Variants in DLG2 observed in about 807,000 individuals in gnomAD.
The protein encoded by DLG2 is disks large homolog 2.
DLG2 carries 45 observed loss-of-function variants against 132.5 expected under a neutral mutation model. That is an observed-to-expected ratio of 0.34 (90% confidence interval 0.27 to 0.44). The LOEUF is 0.44. Ranked by LOEUF, DLG2 falls within the 20% of genes least tolerant of loss-of-function variation. The pLI, the probability that DLG2 is intolerant of heterozygous loss-of-function variation, is 1.00. For missense variants in DLG2, 1,045 were observed against 1,196.9 expected (o/e 0.87, Z 1.87); for synonymous variants, 424 against 419.6 (o/e 1.01, Z -0.13).
chr11:84,382,616 T>A (rs1249133053), intron 7 of DLG2, among the ~76,000 whole-genome samples: 1 of 152,190 alleles, frequency 6.6e-6, no homozygotes, highest in Non-Finnish European at 1.5e-5. Flanking sequence ...CTCAGAAGTT[T>A]TGTTTTATCA....
At chr11:83,857,791 C>G (rs933241133) in intron 16 of DLG2, among the ~76,000 whole-genome samples, 1 of 149,740 alleles carries the variant, frequency 6.7e-6, no homozygotes, top group African/African-American at 2.5e-5. Context: ...GCAGGACACA[C>G]ATGAGAATTT....
chr11:84,660,898 C>T (rs2099693815), intron 6 of DLG2, among the ~76,000 whole-genome samples: 1 of 152,102 alleles, frequency 6.6e-6, no homozygotes. Context: ...AATGTTTCAT[C>T]GCATGTTATA....
At chr11:85,065,532 T>C (rs1402727103) in intron 6 of DLG2, among the ~76,000 whole-genome samples, 1 of 150,558 alleles carries the variant, frequency 6.6e-6, no homozygotes, top group Non-Finnish European at 1.5e-5. Flanking sequence ...AATCTACATA[T>C]CCAGCTTTTT....
intron 2 of DLG2, among the ~76,000 whole-genome samples, chr11:85,623,429 CAA>C (rs2081865106): frequency 6.6e-6 from 1 of 152,046 alleles, no homozygotes; most frequent in South Asian, 2.1e-4. Context: ...GTCAGCCTCC[CAA>C]GTAGCTGGGA....
At chr11:84,727,739 T>C (rs979559372) in intron 6 of DLG2, among the ~76,000 whole-genome samples, 1 of 152,050 alleles carries the variant, frequency 6.6e-6, no homozygotes, top group Non-Finnish European at 1.5e-5. Flanking sequence ...AGAATGAAGG[T>C]TTTTACATTT....
At chr11:84,821,458 T>C (rs562479406) in intron 6 of DLG2, among the ~76,000 whole-genome samples, 1 of 151,740 alleles carries the variant, frequency 6.6e-6, no homozygotes, top group Non-Finnish European at 1.5e-5. Flanking sequence ...TTATGGGCAC[T>C]GAAACTTGAA....
At chr11:83,766,099 T>C (rs1257596575) in intron 18 of DLG2, among the ~76,000 whole-genome samples, 1 of 151,198 alleles carries the variant, frequency 6.6e-6, no homozygotes, top group African/African-American at 2.4e-5. Context: ...TGAATGCTTT[T>C]TTTTTTTTTT....
chr11:83,945,621 C>T (rs1028431127), intron 14 of DLG2, among the ~76,000 whole-genome samples: 3 of 152,126 alleles, frequency 2.0e-5, no homozygotes, highest in East Asian at 1.9e-4. Flanking sequence ...AGTGCATATC[C>T]GCTACAGGTG....
At chr11:83,486,339 T>A (rs963657783) in intron 21 of DLG2, 2 of 591,764 alleles carry the variant, frequency 3.4e-6, no homozygotes, top group Non-Finnish European at 3.0e-6. Flanking sequence ...ACATCACCAA[T>A]GACTTGTCAT....
At chr11:85,032,803 GAGGA>G (rs2061132189) in intron 6 of DLG2, among the ~76,000 whole-genome samples, 1 of 152,222 alleles carries the variant, frequency 6.6e-6, no homozygotes, top group Admixed American at 6.5e-5. Flanking sequence ...GTGAAAGTCA[GAGGA>G]AGGAAGCCTC....
intron 5 of DLG2, among the ~76,000 whole-genome samples, chr11:85,113,474 G>C (rs2073091675): frequency 6.6e-6 from 1 of 151,968 alleles, no homozygotes; most frequent in Non-Finnish European, 1.5e-5. Context: ...CCTGATTTCT[G>C]ACACTAAGAT....
chr11:83,492,710 A>G (rs1037768450), intron 21 of DLG2, among the ~76,000 whole-genome samples: 1 of 151,746 alleles, frequency 6.6e-6, no homozygotes, highest in Non-Finnish European at 1.5e-5. Context: ...TTTCTCTCAT[A>G]CCCCACATCC....
chr11:84,870,176 T>C lies in DLG2; in HGVS notation c.357+241485A>G, dbSNP rs550862719. ...GGTGGACATATAGATTTGTGTGTCATTAGCATCATTTTATGCATAATATGA... is the reference window on the plus strand; with the variant it reads ...GGTGGACATATAGATTTGTGTGTCACTAGCATCATTTTATGCATAATATGA... On this transcript the variant is annotated intron_variant, in intron 6 of 27. Transcript: ENST00000376104. Among the ~76,000 whole-genome samples, 12 of 152,312 alleles carry C rather than the reference T, an allele frequency of 7.9e-5. No individual in the cohort carries two copies. In the East Asian group the frequency reaches 2.1e-3, roughly 27 times the overall value.
intron 6 of DLG2, among the ~76,000 whole-genome samples, chr11:84,755,062 C>A (rs1395210900): frequency 1.3e-5 from 2 of 152,252 alleles, no homozygotes; most frequent in East Asian, 3.9e-4. Context: ...GCTTCTCCAA[C>A]ATATCTTTTA....
At chr11:85,582,186 G>A (rs927811897) in intron 3 of DLG2, among the ~76,000 whole-genome samples, 2 of 152,080 alleles carry the variant, frequency 1.3e-5, no homozygotes, top group African/African-American at 4.8e-5. Flanking sequence ...GGTGAGGTAG[G>A]ACATGAAGAC....
chr11:84,299,287 T>C (rs76390436), intron 7 of DLG2, among the ~76,000 whole-genome samples: 11,024 of 152,250 alleles, frequency 0.072, 514 homozygotes, highest in Non-Finnish European at 0.1. Flanking sequence ...CAAATAGAAC[T>C]GAGTGTTAAG....
intron 7 of DLG2, among the ~76,000 whole-genome samples, chr11:84,262,711 C>T (rs2097562829): frequency 2.0e-5 from 3 of 152,100 alleles, no homozygotes; most frequent in Admixed American, 1.3e-4. Context: ...CCAAAGTCCA[C>T]TGCAACATTC....
chr11:85,185,073 G>T (rs1048915748), intron 4 of DLG2, among the ~76,000 whole-genome samples: 1 of 151,796 alleles, frequency 6.6e-6, no homozygotes, highest in African/African-American at 2.4e-5. Flanking sequence ...TATTTTGTCT[G>T]CTTTTTCTTT....
At chr11:85,192,479 T>C (rs550167996) in intron 4 of DLG2, among the ~76,000 whole-genome samples, 1 of 152,202 alleles carries the variant, frequency 6.6e-6, no homozygotes, top group African/African-American at 2.4e-5. Flanking sequence ...GAGTGCCTGA[T>C]TGGCCAGGAA....
Sources: gnomAD v4.1 joint callset for allele counts (sites outside exome capture counted in the v4.1 genomes callset) on GRCh38, gnomAD v4.1.1 for gene constraint, MANE v1.5 for transcripts, NCBI Gene and HGNC (gene_info 2026-07-23, HGNC 2026-07-21) for gene names.